CNOT9: variants seen among roughly 807,000 people sequenced by gnomAD.
The protein encoded by CNOT9 is RCD1 required for cell differentiation1 homolog.
CNOT9 carries 8 observed loss-of-function variants against 37.4 expected under a neutral mutation model. That is an observed-to-expected ratio of 0.21 (90% confidence interval 0.13 to 0.39). The LOEUF (loss-of-function observed/expected upper bound fraction) is 0.39. CNOT9 is among the 10% of genes least tolerant of loss of function. The probability of loss-of-function intolerance (pLI) is 1.00; values close to 1 mark genes in which losing one functional copy is unlikely to be tolerated. For missense variants in CNOT9, 154 were observed against 365.3 expected (o/e 0.42, Z 4.71); for synonymous variants, 120 against 137.6 (o/e 0.87, Z 0.90).
intron 1 of CNOT9, among the ~76,000 whole-genome samples, chr2:218,572,043 G>A (rs566061209): frequency 7.2e-5 from 11 of 152,112 alleles, no homozygotes; most frequent in East Asian, 5.8e-4. Flanking sequence ...AAATGCGGCC[G>A]GGTACTGTGG....
intron 1 of CNOT9, among the ~76,000 whole-genome samples, chr2:218,578,555 G>A (rs778023346): frequency 2.6e-4 from 40 of 152,244 alleles, no homozygotes; most frequent in African/African-American, 6.3e-4. Flanking sequence ...AAAAAAGTAC[G>A]GGAATATGCA....
At chr2:218,591,724 CAG>C in intron 5 of CNOT9, among the ~76,000 whole-genome samples, 1 of 147,854 alleles carries the variant, frequency 6.8e-6, no homozygotes, top group South Asian at 2.1e-4. Context: ...GTCTGGGCGA[CAG>C]AGTGAGACTC....
At position 218,594,448 on chromosome 2, in the gene CNOT9, G is replaced by T; in HGVS notation, c.*172G>T. 3 of 720,250 alleles carry T rather than the reference G, an allele frequency of 4.2e-6. No homozygotes were observed. The highest frequency in any genetic ancestry group is 6.6e-6 in the Non-Finnish European group (3 of 451,516). The allele number at this position is 720,250 out of a possible 1,614,324, so 44.6% of individuals were successfully genotyped here. The stretch of plus-strand genomic sequence containing the variant: ...TGAGGTGTATGGGCTGCCATCTCAG[G>T]CTGTCTTGAGGACCTGGGCTCCCTC... On this transcript the variant is annotated 3_prime_UTR_variant, in exon 8 of 8. Transcript: ENST00000273064.
chr2:218,587,755 C>G (rs1694639493), intron 5 of CNOT9, 60 bp downstream of exon 5: 5 of 764,818 alleles, frequency 6.5e-6, no homozygotes, highest in Non-Finnish European at 9.8e-6. Context: ...TCCTTATGGT[C>G]CTGGGATCAT....
chr2:218,578,271 C>G (rs1228593990), intron 1 of CNOT9, among the ~76,000 whole-genome samples: 1 of 152,304 alleles, frequency 6.6e-6, no homozygotes, highest in East Asian at 1.9e-4. Flanking sequence ...GTCTATTTAG[C>G]AGAACAACTT....
In CNOT9 at chr2:218,592,068, A is replaced by T. The variant is rs1228624177; in HGVS notation, c.541-236A>T. Among the ~76,000 whole-genome samples, 1 of 152,218 alleles carries T rather than the reference A, an allele frequency of 6.6e-6. No homozygotes were observed. The highest frequency in any genetic ancestry group is 1.5e-5 in the Non-Finnish European group (1 of 68,042). On this transcript the variant is annotated intron_variant, in intron 5 of 7. Coordinates refer to ENST00000273064, the MANE Select transcript of CNOT9 (RefSeq NM_005444.3). The surrounding 1 kb of genome is among the most constrained non-coding windows in gnomAD (Gnocchi z 4.1). ...GGTACCTACCTCATTGATTTATTAT[A>T]AAAATAAGATAAGCATGTAAAGCCT...
At chr2:218,571,010 T>C (rs1693974289) in intron 1 of CNOT9, among the ~76,000 whole-genome samples, 1 of 152,180 alleles carries the variant, frequency 6.6e-6, no homozygotes, top group Admixed American at 6.5e-5. Context: ...CATTCTCAAT[T>C]CTTCATGCCT....
At chr2:218,593,592 TG>T in intron 7 of CNOT9, 1 of 1,483,428 alleles carries the variant, frequency 6.7e-7, no homozygotes, top group Non-Finnish European at 9.0e-7. Context: ...AAAGTTCATC[TG>T]ATAATACTGC....
At chr2:218,572,428 A>G (rs1263240005) in intron 1 of CNOT9, among the ~76,000 whole-genome samples, 1 of 150,896 alleles carries the variant, frequency 6.6e-6, no homozygotes, top group Non-Finnish European at 1.5e-5. Context: ...TTAATTCCCA[A>G]ATTAAAGGCT....
intron 3 of CNOT9, among the ~76,000 whole-genome samples, chr2:218,583,842 G>A (rs111786317): frequency 0.013 from 1,949 of 152,278 alleles, 48 homozygotes; most frequent in African/African-American, 0.045. Context: ...CTTCTACAAG[G>A]TGTAACTATA....
At chr2:218,582,243 G>A (rs1014723736) in intron 2 of CNOT9, among the ~76,000 whole-genome samples, 8 of 152,078 alleles carry the variant, frequency 5.3e-5, no homozygotes, top group Admixed American at 2.6e-4. Context: ...ATGAGTCACC[G>A]TGGTTGACTT....
At chr2:218,580,429 C>A in intron 1 of CNOT9, 132 bp from the exon 2 acceptor site, 2 of 662,428 alleles carry the variant, frequency 3.0e-6, no homozygotes, top group Non-Finnish European at 5.0e-6. Flanking sequence ...GAATAGTTGA[C>A]ATCAAATGTA....
At chr2:218,575,387 C>CTTTTTT (rs71064461) in intron 1 of CNOT9, among the ~76,000 whole-genome samples, 5 of 127,234 alleles carry the variant, frequency 3.9e-5, no homozygotes, top group Admixed American at 7.9e-5. Flanking sequence ...TTTCTTTTTT[C>CTTTTTT]TTTTTTTTTT....
chr2:218,580,935 T>A, intron 2 of CNOT9, 195 bp downstream of exon 2: 1 of 669,276 alleles, frequency 1.5e-6, no homozygotes, highest in Non-Finnish European at 2.7e-6. Context: ...AGATTCAATT[T>A]AGTCAGTCTG....
chr2:218,580,258 C>T (rs552690385), intron 1 of CNOT9, among the ~76,000 whole-genome samples: 23 of 152,096 alleles, frequency 1.5e-4, no homozygotes, highest in Non-Finnish European at 3.2e-4. Context: ...GGTGTGCCAC[C>T]GCGCCCGGCC....
chr2:218,583,323 G>A (rs1694481080), intron 3 of CNOT9, among the ~76,000 whole-genome samples: 2 of 146,742 alleles, frequency 1.4e-5, no homozygotes, highest in Non-Finnish European at 3.0e-5. Flanking sequence ...TTTACCCAAT[G>A]AACTTTAAAG....
Position 218,595,141 on chromosome 2 carries a change from G to A in CNOT9, c.*865G>A, listed in dbSNP as rs1315133900. 1.3e-5 allele frequency: 2 copies of A among 152,118 alleles called. No homozygotes were observed. The highest frequency in any genetic ancestry group is 3.8e-4 in the East Asian group (2 of 5,196). 9.4% of individuals were successfully genotyped at this position (152,118 alleles called of 1,614,324 possible). ...TTAAAACAGATGTCTTAATTAATCAGGCTGTCTTGGAAGGGTATTGTATTG... is the reference window on the plus strand; with the variant it reads ...TTAAAACAGATGTCTTAATTAATCAAGCTGTCTTGGAAGGGTATTGTATTG... On this transcript the variant is annotated 3_prime_UTR_variant, in exon 8 of 8. Coordinates refer to ENST00000273064, the MANE Select transcript of CNOT9 (RefSeq NM_005444.3).
At chr2:218,571,619 TG>T (rs1400168806) in intron 1 of CNOT9, among the ~76,000 whole-genome samples, 2 of 151,304 alleles carry the variant, frequency 1.3e-5, no homozygotes, top group Non-Finnish European at 2.9e-5. Context: ...TTGCCCAGGC[TG>T]GTGTGCAATA....
At chr2:218,572,709 G>A in intron 1 of CNOT9, 1 of 985,078 alleles carries the variant, frequency 1.0e-6, no homozygotes, top group Non-Finnish European at 1.2e-6. Context: ...ACAACCGGAG[G>A]TAAGCCTTTA....
Sources: allele counts gnomAD v4.1 joint callset (sites outside exome capture counted in the v4.1 genomes callset), GRCh38; gene constraint gnomAD v4.1.1; non-coding constraint Gnocchi (gnomAD v3.1); transcripts MANE v1.5; gene names NCBI Gene and HGNC (gene_info 2026-07-23, HGNC 2026-07-21).